Variants in MAGEC3 observed in about 807,000 individuals in gnomAD.
MAGEC3 encodes melanoma-associated antigen C3.
A neutral mutation model predicts 35.3 loss-of-function variants in MAGEC3; 34 were observed. That is an observed-to-expected ratio of 0.96 (90% CI 0.73 to 1.28). The LOEUF (loss-of-function observed/expected upper bound fraction) is 1.28. Ranked by LOEUF, MAGEC3 falls within the 50% of genes most tolerant of loss-of-function variation. The pLI, the probability that MAGEC3 is intolerant of heterozygous loss-of-function variation, is 0.00. For synonymous variants in MAGEC3, 202 were observed against 185.6 expected (o/e 1.09, Z -0.72); for missense variants, 561 against 483.6 (o/e 1.16, Z -1.50).
chrX:141,865,058 G>A (rs2017839535), intron 1 of MAGEC3, among the ~76,000 whole-genome samples: 1 of 111,642 alleles, frequency 9.0e-6, no homozygotes, highest in South Asian at 3.7e-4. Flanking sequence ...GGTGTATTTT[G>A]CCCATTTTGA....
chrX:141,853,164 A>G (rs1016448264), intron 1 of MAGEC3, among the ~76,000 whole-genome samples: 3 of 111,369 alleles, frequency 2.7e-5, no homozygotes, highest in Admixed American at 9.6e-5. Flanking sequence ...TGCTGACTAC[A>G]TCCGCCTTTT....
chrX:141,840,499 T>C (rs1158221309), intron 1 of MAGEC3, among the ~76,000 whole-genome samples: 1 of 112,100 alleles, frequency 8.9e-6, no homozygotes, highest in East Asian at 2.8e-4. Context: ...ATTTGTTCTA[T>C]GTAGCAAACT....
At chrX:141,881,224 C>T (rs149045517) in intron 3 of MAGEC3, among the ~76,000 whole-genome samples, 179 bp from the exon 4 acceptor site, 3,454 of 110,333 alleles carry the variant, frequency 0.031, 140 homozygotes, top group African/African-American at 0.1. Context: ...TCTTGGTGCT[C>T]ATGAGGAGGA....
chrX:141,881,145 C>A (rs1286599674), intron 3 of MAGEC3, among the ~76,000 whole-genome samples: 3 of 111,143 alleles, frequency 2.7e-5, no homozygotes, highest in African/African-American at 9.8e-5. Context: ...CCTCTTCCTT[C>A]TCTTCTTCCT....
At chrX:141,873,993 G>A (rs1448895050) in intron 2 of MAGEC3, among the ~76,000 whole-genome samples, 1 of 112,371 alleles carries the variant, frequency 8.9e-6, no homozygotes, top group African/African-American at 3.2e-5. Flanking sequence ...AATTAAGACA[G>A]TGTGATATTA....
At chrX:141,862,046 A>G (rs1040476992) in intron 1 of MAGEC3, among the ~76,000 whole-genome samples, 2 of 111,863 alleles carry the variant, frequency 1.8e-5, no homozygotes, top group Admixed American at 9.5e-5. Context: ...TTATCCAACC[A>G]GGGACTACTA....
Position 141,895,144 on chromosome X carries a change from G to A in MAGEC3, c.910-125G>A, listed in dbSNP as rs1246554850. On this transcript the variant is annotated intron_variant, in intron 4 of 7. Transcript: ENST00000298296. ...GGTGGGCACAAAGGGGTCGGGGGGC[G>A]CTGAGGAGGGCAGGAAGAAGTGGAG... 4 of 791,240 alleles carry A rather than the reference G, an allele frequency of 5.1e-6. No individual in the cohort carries two copies. In the African/African-American group the frequency reaches 6.8e-5, roughly 13 times the overall value. The allele number at this position is 791,240 out of a possible 1,213,427, so 65.2% of individuals were successfully genotyped here. A position where few individuals can be genotyped will look rare whatever the true frequency, so the allele number is the denominator to read the frequency against.
chrX:141,879,573 G>A, intron 3 of MAGEC3, 142 bp downstream of exon 3: 1 of 726,853 alleles, frequency 1.4e-6, no homozygotes, highest in Non-Finnish European at 1.9e-6. Context: ...GGCAGGAAGG[G>A]GTGGAGAAGG....
At chrX:141,849,684 A>G (rs781020542) in intron 1 of MAGEC3, among the ~76,000 whole-genome samples, 207 of 111,226 alleles carry the variant, frequency 1.9e-3, no homozygotes, top group African/African-American at 6.2e-3. Flanking sequence ...CAAAACCACA[A>G]TGAGATACCA....
chrX:141,848,308 T>C (rs781338308), intron 1 of MAGEC3, among the ~76,000 whole-genome samples: 2 of 109,658 alleles, frequency 1.8e-5, no homozygotes, highest in Non-Finnish European at 3.8e-5. Flanking sequence ...AAATGAAAGA[T>C]GTAGAAACAG....
rs1375395640 is a variant in MAGEC3, at chrX:141,873,917, A to G, written c.259-5258A>G. On this transcript the variant is annotated intron_variant, in intron 2 of 7. Coordinates refer to ENST00000298296, the MANE Select transcript of MAGEC3 (RefSeq NM_138702.1). ...AAAGACTAAGATTAGCCAACACAATATTAAAGAAGAAGACAGTGGGAAGAC... is the reference window on the plus strand; with the variant it reads ...AAAGACTAAGATTAGCCAACACAATGTTAAAGAAGAAGACAGTGGGAAGAC... 5.4e-5 allele frequency among the ~76,000 whole-genome samples: 6 copies of G among 112,055 alleles called. 1 individual carries two copies. The highest frequency in any genetic ancestry group is 2.8e-4 in the East Asian group (1 of 3,556).
chrX:141,857,552 G>C (rs2017788931), intron 1 of MAGEC3, among the ~76,000 whole-genome samples: 1 of 111,114 alleles, frequency 9.0e-6, no homozygotes. Context: ...CCTCCTTCCT[G>C]CATGAAGCTT....
chrX:141,879,741 G>A (rs16979921), intron 3 of MAGEC3, among the ~76,000 whole-genome samples: 16,984 of 109,996 alleles, frequency 0.15, 2,549 homozygotes, highest in African/African-American at 0.46. Flanking sequence ...CTTAGAACTG[G>A]CCGATCCTCA....
At chrX:141,858,323 G>A (rs767454741) in intron 1 of MAGEC3, among the ~76,000 whole-genome samples, 49 of 110,396 alleles carry the variant, frequency 4.4e-4, no homozygotes, top group African/African-American at 1.5e-3. Context: ...AAAAATATTC[G>A]TTTAAGTAAT....
intron 4 of MAGEC3, chrX:141,894,963 A>C: frequency 4.3e-6 from 2 of 461,592 alleles, no homozygotes; most frequent in Non-Finnish European, 5.8e-6. Context: ...GGTGGGAGGG[A>C]GTGGGAAAGT....
chrX:141,885,359 G>C (rs187103250), intron 4 of MAGEC3, among the ~76,000 whole-genome samples: 220 of 110,388 alleles, frequency 2.0e-3, no homozygotes, highest in African/African-American at 5.9e-3. Flanking sequence ...TAATGTTGCA[G>C]CTTGGGGAGT....
intron 2 of MAGEC3, among the ~76,000 whole-genome samples, chrX:141,875,607 T>G (rs13440525): frequency 0.17 from 18,674 of 111,188 alleles, 2,151 homozygotes; most frequent in African/African-American, 0.4. Context: ...ACACTCCCCA[T>G]TGATTGAATC....
At chrX:141,839,777 G>T (rs2017675350) in intron 1 of MAGEC3, 1 of 701,172 alleles carries the variant, frequency 1.4e-6, no homozygotes, top group Non-Finnish European at 1.7e-6. Flanking sequence ...AACTGGAAGA[G>T]ATTTTGCCAC....
intron 4 of MAGEC3, among the ~76,000 whole-genome samples, chrX:141,891,080 G>C (rs112707113): frequency 8.9e-6 from 1 of 111,938 alleles, no homozygotes. Flanking sequence ...GAATTCTTCT[G>C]TGGGCTCTCT....
Sources: gnomAD v4.1 joint callset for allele counts (sites outside exome capture counted in the v4.1 genomes callset) on GRCh38, gnomAD v4.1.1 for gene constraint, MANE v1.5 for transcripts, NCBI Gene and HGNC (gene_info 2026-07-23, HGNC 2026-07-21) for gene names.